The following EPHA2 variants were observed in gnomAD, a reference collection of about 807,000 sequenced individuals.
EPHA2 encodes the protein ephrin type-A receptor 2.
EPHA2 carries 54 observed loss-of-function variants against 104.9 expected under a neutral mutation model. The ratio of observed to expected loss-of-function variants is 0.51; its 90% CI spans 0.41 to 0.65. The LOEUF (loss-of-function observed/expected upper bound fraction) is 0.65. Ranked by LOEUF, EPHA2 falls within the 30% of genes least tolerant of loss-of-function variation. The pLI is 0.00. For missense variants in EPHA2, 1,117 were observed against 1,369.5 expected, an observed-to-expected ratio of 0.82 and a Z score of 2.91; for synonymous variants, 560 against 559.1, an observed-to-expected ratio of 1.00 and a Z score of -0.02.
Position 16,155,830 on chromosome 1 carries a change from G to A in EPHA2, c.85+18C>T. ...CTGGGGCCCGGGGGCCAGGGGTCCA[G>A]ACGCCGCGCGCACTCACCTTCCTTG... is the stretch of plus-strand genomic sequence containing the variant. On this transcript the variant is annotated intron_variant, in intron 1 of 16. Transcript: ENST00000358432. The A allele has an allele frequency of 7.1e-7, 1 of 1,417,392 alleles. No individual in the cohort carries two copies. The highest frequency in any genetic ancestry group is 9.2e-7 in the Non-Finnish European group (1 of 1,089,660). The allele number at this position is 1,417,392 out of a possible 1,614,324, so 87.8% of individuals were successfully genotyped here.
At chr1:16,142,679 G>C (rs933957707) in intron 3 of EPHA2, among the ~76,000 whole-genome samples, 5 of 147,972 alleles carry the variant, frequency 3.4e-5, no homozygotes, top group African/African-American at 1.3e-4. Context: ...GGATGGATGA[G>C]GGATGGATGG....
chr1:16,133,734 G>A (rs930857967), intron 9 of EPHA2, 126 bp downstream of exon 9: 6 of 1,501,502 alleles, frequency 4.0e-6, no homozygotes, highest in Non-Finnish European at 5.4e-6. Context: ...GGACCCCTCA[G>A]AGCTGCCCAC....
At chr1:16,144,604 G>A (rs539028938) in intron 3 of EPHA2, among the ~76,000 whole-genome samples, 50 of 152,314 alleles carry the variant, frequency 3.3e-4, no homozygotes, top group African/African-American at 1.1e-3. Flanking sequence ...CAGCTTCCCC[G>A]GTGTTCAGAC....
At chr1:16,151,730 C>T (rs1557517307) in intron 1 of EPHA2, among the ~76,000 whole-genome samples, 1 of 152,216 alleles carries the variant, frequency 6.6e-6, no homozygotes, top group Non-Finnish European at 1.5e-5. Flanking sequence ...CTGCCCCTCA[C>T]ATCCTGACCA....
At position 16,133,410 on chromosome 1, in the gene EPHA2, G is replaced by A. The variant is rs776935972; in HGVS notation, c.1865-42C>T. 1.6e-5 allele frequency: 26 copies of A among 1,613,734 alleles called. 1 individual carries two copies. The highest frequency in any genetic ancestry group is 6.7e-5 in the East Asian group (3 of 44,894). On this transcript the variant is annotated intron_variant, in intron 10 of 16. Transcript: ENST00000358432. ...TCAGGGGAGTGCCCTGGTCAGCCCC[G>A]GCATGAGGGCTCCCACACTGTGTCA...
rs766078852 is a variant in EPHA2 at position 16,131,843 on chromosome 1, C to G, written c.2353G>C (p.Ala785Pro). Residue 785 changes from alanine to proline, a missense_variant, in exon 14 of 17, where the codon GCC becomes CCC. Physicochemically the swap from Ala to Pro is conservative, Grantham distance 27. Transcript: ENST00000358432. The surrounding 1 kb of genome is among the most constrained non-coding windows in gnomAD (Gnocchi z 5.2). ...SGGKIPIRWT[A>P]PEAISYRKFT... ...TTCCGGTAGGAAATGGCCTCCGGGG[C>G]GGTCCAGCGGATGGGGATCTTGCCG... The G allele has an allele frequency of 6.2e-7, 1 of 1,613,956 alleles. No homozygotes were observed. The highest frequency in any genetic ancestry group is 1.1e-5 in the South Asian group (1 of 91,076).
chr1:16,154,915 G>T (rs563486366), intron 1 of EPHA2, among the ~76,000 whole-genome samples: 35 of 152,218 alleles, frequency 2.3e-4, no homozygotes, highest in African/African-American at 8.2e-4. Context: ...GGGCTGGGTG[G>T]ACAGGAAGGT....
chr1:16,148,312 C>T lies in EPHA2; in HGVS notation c.823+66G>A. 6.3e-7 allele frequency: 1 copy of T among 1,598,320 alleles called. No individual in the cohort carries two copies. Among genetic ancestry groups the T allele is most frequent in the Middle Eastern group, 1.7e-4 (1 of 6,054 alleles). On this transcript the variant is annotated intron_variant, in intron 3 of 16. Coordinates refer to ENST00000358432, the MANE Select transcript of EPHA2 (RefSeq NM_004431.5). This position sits in a 1 kb window ranked among gnomAD's most constrained non-coding sequence, Gnocchi z 4.9. ...TGAGCTTACCAAGATTCCATGATTCCAAAGCTAAAGACCAGAACCTGGGAA... is the reference window on the plus strand; with the variant it reads ...TGAGCTTACCAAGATTCCATGATTCTAAAGCTAAAGACCAGAACCTGGGAA...
At chr1:16,152,821 C>T (rs910660496) in intron 1 of EPHA2, among the ~76,000 whole-genome samples, 5 of 152,186 alleles carry the variant, frequency 3.3e-5, no homozygotes, top group African/African-American at 1.2e-4. Flanking sequence ...AGGGCTCAAT[C>T]GGAGAAGAAA....
intron 3 of EPHA2, among the ~76,000 whole-genome samples, chr1:16,147,450 G>C (rs75400691): frequency 1.3e-5 from 2 of 152,024 alleles, no homozygotes; most frequent in Non-Finnish European, 2.9e-5. Flanking sequence ...TTCTATGTAC[G>C]AAAGAGGAGT....
At chr1:16,155,689 A>G (rs753976472) in intron 1 of EPHA2, 159 bp downstream of exon 1, 6 of 523,204 alleles carry the variant, frequency 1.1e-5, no homozygotes, top group Non-Finnish European at 1.9e-5. Context: ...GGTGGGGGCC[A>G]GGGCTCGCCT....
chr1:16,131,279 C>A lies in EPHA2; in HGVS notation c.2475+442G>T, dbSNP rs1470877264. On this transcript the variant is annotated intron_variant, in intron 14 of 16. Transcript: ENST00000358432. This position sits in a 1 kb window ranked among gnomAD's most constrained non-coding sequence, Gnocchi z 5.2. ...GCACAAGGCCTGGCACGCAGTAGAT[C>A]CTCAAGAAATATTTACGGGGCTGGG... is the stretch of plus-strand genomic sequence containing the variant. Among the ~76,000 whole-genome samples, 2 of 152,124 alleles carry A rather than the reference C, an allele frequency of 1.3e-5. No homozygotes were observed. The highest frequency in any genetic ancestry group is 2.9e-5 in the Non-Finnish European group (2 of 68,032).
rs545748965 is a variant in EPHA2 at position 16,137,378 on chromosome 1, C to G, written c.1312+475G>C. ...CTTTGGGAGGCCGAGGCGGGCGGAT[C>G]GCAAGGTCAGGAGATCGAGACCAGC... On this transcript the variant is annotated intron_variant, in intron 5 of 16. Transcript: ENST00000358432. Among the ~76,000 whole-genome samples, 654 of 151,772 alleles carry G rather than the reference C, an allele frequency of 4.3e-3. 2 individuals are homozygous for G. The highest frequency in any genetic ancestry group is 0.015 in the African/African-American group (606 of 41,342).
rs1220716727 is a variant in EPHA2 at position 16,132,364 on chromosome 1, AC to A, written c.2115+13del. 3.1e-6 allele frequency: 5 copies of A among 1,613,710 alleles called. No individual in the cohort carries two copies. In the Admixed American group the frequency reaches 8.3e-5, roughly 27 times the overall value. On this transcript the variant is annotated intron_variant, in intron 12 of 16. Coordinates refer to ENST00000358432, the MANE Select transcript of EPHA2 (RefSeq NM_004431.5). ...TGGCCAGGCATCCCCGCCCCCTACA[AC>A]CCACATCCTTACCCGAAGGAACTTG...
chr1:16,138,177 AG>A lies in EPHA2; in HGVS notation c.987del (p.Ser330ProfsTer63), dbSNP rs781025871. On this transcript the variant is annotated frameshift_variant, in exon 5 of 17. Coordinates refer to ENST00000358432, the MANE Select transcript of EPHA2 (RefSeq NM_004431.5). LOFTEE classifies it high-confidence loss of function. ...DPASMPCTRP[P>X]SAPHYLTAVG... ...ACGGCTGTGAGGTAGTGTGGGGCGG[AG>A]GGGGGTCCTGCACAGACAGGAGGAG... 17 of 1,609,598 alleles carry A rather than the reference AG, an allele frequency of 1.1e-5. No individual in the cohort carries two copies. Among genetic ancestry groups the A allele is most frequent in the Non-Finnish European group, 1.2e-5 (14 of 1,179,896 alleles).
Position 16,134,694 on chromosome 1 carries a change from G to T in EPHA2, c.1583-127C>A. ...CTTGCACTTGGGAAGGCTCCAGAGG[G>T]TACTTAGTCCCATTTCATAGACGGT... On this transcript the variant is annotated intron_variant, in intron 7 of 16. Transcript: ENST00000358432. This position sits in a 1 kb window ranked among gnomAD's most constrained non-coding sequence, Gnocchi z 4.5. 9.8e-7 allele frequency: 1 copy of T among 1,025,288 alleles called. No individual in the cohort carries two copies. Among genetic ancestry groups the T allele is most frequent in the Non-Finnish European group, 1.5e-6 (1 of 669,446 alleles). 63.5% of individuals were successfully genotyped at this position (1,025,288 alleles called of 1,614,324 possible). A position where few individuals can be genotyped will look rare whatever the true frequency, so the allele number is the denominator to read the frequency against.
chr1:16,137,362 G>T (rs1257598145), intron 5 of EPHA2, among the ~76,000 whole-genome samples: 2 of 151,878 alleles, frequency 1.3e-5, no homozygotes, highest in South Asian at 4.1e-4. Context: ...ACTTTGGGAG[G>T]CCGAGGCGGG....
intron 5 of EPHA2, 131 bp downstream of exon 5, chr1:16,137,721 CT>C: frequency 9.1e-7 from 1 of 1,102,666 alleles, no homozygotes; most frequent in Non-Finnish European, 1.3e-6. Flanking sequence ...GACAAGCTTG[CT>C]CTAGACACTG....
At chr1:16,137,090 G>A (rs538623890) in intron 5 of EPHA2, among the ~76,000 whole-genome samples, 4 of 151,932 alleles carry the variant, frequency 2.6e-5, no homozygotes, top group South Asian at 2.1e-4. Flanking sequence ...ATGAGCCACC[G>A]CGCCCAGTCT....
Sources: gnomAD v4.1 joint callset for allele counts (sites outside exome capture counted in the v4.1 genomes callset) on GRCh38, gnomAD v4.1.1 for gene constraint, Gnocchi (gnomAD v3.1) non-coding constraint, MANE v1.5 for transcripts, NCBI Gene and HGNC (gene_info 2026-07-23, HGNC 2026-07-21) for gene names.